The following USP6NL variants were observed in gnomAD, a reference collection of about 807,000 sequenced individuals.
USP6NL encodes USP6 N-terminal like, also known as USP6 N-terminal-like protein.
In USP6NL, 26 loss-of-function variants were observed where a neutral mutation model predicts 61.9. The ratio of observed to expected loss-of-function variants is 0.42; its 90% CI spans 0.31 to 0.58. The LOEUF is 0.58. USP6NL is among the 20% of genes least tolerant of loss of function. USP6NL has a pLI of 0.16. For synonymous variants in USP6NL, 432 were observed against 390.1 expected (o/e 1.11, Z -1.27); for missense variants, 1,114 against 1,034.3 (o/e 1.08, Z -1.06).
At chr10:11,527,161 A>C (rs576933903) in intron 3 of USP6NL, among the ~76,000 whole-genome samples, 8 of 152,286 alleles carry the variant, frequency 5.3e-5, no homozygotes, top group Non-Finnish European at 4.4e-5. Flanking sequence ...AGGTCAGAGA[A>C]GATCTCAGTA....
chr10:11,576,050 T>G (rs1419910866), intron 2 of USP6NL, among the ~76,000 whole-genome samples: 2 of 151,826 alleles, frequency 1.3e-5, no homozygotes, highest in African/African-American at 4.8e-5. Flanking sequence ...TTCAAAATAG[T>G]TACGGGTAAA....
chr10:11,593,185 C>T (rs909733994), intron 2 of USP6NL, among the ~76,000 whole-genome samples: 3 of 152,142 alleles, frequency 2.0e-5, no homozygotes, highest in Non-Finnish European at 4.4e-5. Flanking sequence ...CAAAACTTTC[C>T]TGAAGAAACT....
chr10:11,495,399 C>T lies in USP6NL; in HGVS notation c.385-2171G>A, dbSNP rs1423778194. Among the ~76,000 whole-genome samples the T allele has an allele frequency of 1.3e-5, 2 of 152,200 alleles. No individual in the cohort carries two copies. Among genetic ancestry groups the T allele is most frequent in the East Asian group, 1.9e-4 (1 of 5,204 alleles). On this transcript the variant is annotated intron_variant, in intron 7 of 14. Transcript: ENST00000609104. This position sits in a 1 kb window ranked among gnomAD's most constrained non-coding sequence, Gnocchi z 4.6. ...CTGGAACAGCTCGTGTCCTCGGTCT[C>T]TTGCCTCAGCACCTGGATGGCTTGC...
At chr10:11,573,312 T>A (rs893567181) in intron 2 of USP6NL, 2 of 229,308 alleles carry the variant, frequency 8.7e-6, no homozygotes, top group Non-Finnish European at 1.7e-5. Context: ...CCAAAATACA[T>A]AATGCAAGAG....
Position 11,496,191 on chromosome 10 carries a change from T to C in USP6NL, c.385-2963A>G, listed in dbSNP as rs551732048. Among the ~76,000 whole-genome samples the C allele has an allele frequency of 6.6e-6, 1 of 152,334 alleles. No individual in the cohort carries two copies. Among genetic ancestry groups the C allele is most frequent in the Non-Finnish European group, 1.5e-5 (1 of 68,022 alleles). ...GGCCCTCTGTTTCATCCTCGCCAAA[T>C]AACAAACCTCCAGTCTTGGGCTAGC... On this transcript the variant is annotated intron_variant, in intron 7 of 14. Coordinates refer to ENST00000609104, the MANE Select transcript of USP6NL (RefSeq NM_014688.5). The surrounding 1 kb of genome is among the most constrained non-coding windows in gnomAD (Gnocchi z 5.4).
chr10:11,562,516 C>G lies in USP6NL; in HGVS notation c.5-34949G>C. On this transcript the variant is annotated intron_variant, in intron 2 of 14. Coordinates refer to ENST00000609104, the MANE Select transcript of USP6NL (RefSeq NM_014688.5). This position sits in a 1 kb window ranked among gnomAD's most constrained non-coding sequence, Gnocchi z 4.8. The stretch of plus-strand genomic sequence containing the variant: ...GAGAAACGTGAAAAGAGCCGGGTCA[C>G]TCAAGACATTGCTTGGCCACTGTGA... The G allele has an allele frequency of 1.0e-6, 1 of 985,430 alleles. No homozygotes were observed. Among genetic ancestry groups the G allele is most frequent in the South Asian group, 4.7e-5 (1 of 21,286 alleles). 61.0% of individuals were successfully genotyped at this position (985,430 alleles called of 1,614,324 possible).
At chr10:11,547,279 T>C (rs931293543) in intron 2 of USP6NL, among the ~76,000 whole-genome samples, 10 of 152,210 alleles carry the variant, frequency 6.6e-5, no homozygotes, top group African/African-American at 2.2e-4. Context: ...TTCTCAAGCA[T>C]ATTGTCATAC....
intron 4 of USP6NL, among the ~76,000 whole-genome samples, chr10:11,519,051 A>G (rs1362861957): frequency 6.6e-6 from 1 of 152,220 alleles, no homozygotes; most frequent in Non-Finnish European, 1.5e-5. Flanking sequence ...TTTCTGGGCC[A>G]TACCGTCTTT....
intron 14 of USP6NL, among the ~76,000 whole-genome samples, chr10:11,480,981 G>A (rs192221331): frequency 1.3e-5 from 2 of 152,202 alleles, no homozygotes; most frequent in East Asian, 3.9e-4. Flanking sequence ...GTGATCTTTC[G>A]ACATTTTCAT....
At chr10:11,484,373 A>G (rs1439132022) in intron 13 of USP6NL, among the ~76,000 whole-genome samples, 1 of 151,650 alleles carries the variant, frequency 6.6e-6, no homozygotes, top group Non-Finnish European at 1.5e-5. Context: ...AATATATTGC[A>G]ACTGAAGACT....
chr10:11,494,243 CTAGAAGCTTG>C (rs1833819166), intron 7 of USP6NL, among the ~76,000 whole-genome samples: 2 of 152,286 alleles, frequency 1.3e-5, no homozygotes, highest in Admixed American at 6.5e-5. Context: ...CGTTTTCTCT[CTAGAAGCTTG>C]TAGGAGTTTC....
At chr10:11,523,167 C>G (rs1266016264) in intron 4 of USP6NL, among the ~76,000 whole-genome samples, 13 of 152,244 alleles carry the variant, frequency 8.5e-5, no homozygotes, top group Admixed American at 8.5e-4. Flanking sequence ...TACAAAAGAA[C>G]TGATTGCAAT....
chr10:11,555,471 A>G (rs11257169), intron 2 of USP6NL, among the ~76,000 whole-genome samples: 2,807 of 61,034 alleles, frequency 0.046, 183 homozygotes, highest in East Asian at 0.16. Flanking sequence ...GAGAGAGAGA[A>G]AGAGAGAGAG....
At position 11,465,899 on chromosome 10, in the gene USP6NL, A is replaced by G. The variant is rs1341768307; in HGVS notation, c.1079-2050T>C. Among the ~76,000 whole-genome samples, 1 of 152,248 alleles carries G rather than the reference A, an allele frequency of 6.6e-6. No individual in the cohort carries two copies. Among genetic ancestry groups the G allele is most frequent in the African/African-American group, 2.4e-5 (1 of 41,458 alleles). ...AAAGTCACCTACTTCATTATTTGTG[A>G]TAATTTGCTTGTATGGTCCTAGCAC... On this transcript the variant is annotated intron_variant, in intron 14 of 14. Coordinates refer to ENST00000609104, the MANE Select transcript of USP6NL (RefSeq NM_014688.5). This position sits in a 1 kb window ranked among gnomAD's most constrained non-coding sequence, Gnocchi z 4.5.
In USP6NL at chr10:11,501,102, C is replaced by T. The variant is rs1172275192; in HGVS notation, c.383G>A (p.Ser128Asn). The change falls in exon 7 of 15, where the codon AGT (serine) becomes AAT (asparagine). Residue 128 changes from serine to asparagine, a missense_variant and splice_region_variant. Coordinates refer to ENST00000609104, the MANE Select transcript of USP6NL (RefSeq NM_014688.5). ...AACAAGTTAGCTTTAGCTACTCACACTATACAGGTCCCTTGTTTCTTCTTT... is the reference window on the plus strand; with the variant it reads ...AACAAGTTAGCTTTAGCTACTCACATTATACAGGTCCCTTGTTTCTTCTTT... ...KMKEETRDLY[S>N]KLKHRARGCS... is the part of the protein sequence containing the mutation. The T allele has an allele frequency of 2.5e-6, 4 of 1,598,582 alleles. No individual in the cohort carries two copies. In the African/African-American group the frequency reaches 4.0e-5, roughly 16 times the overall value.
In USP6NL at chr10:11,495,941, G is replaced by A. The variant is rs1833904641; in HGVS notation, c.385-2713C>T. Among the ~76,000 whole-genome samples the A allele has an allele frequency of 6.6e-6, 1 of 152,020 alleles. No individual in the cohort carries two copies. The highest frequency in any genetic ancestry group is 2.1e-4 in the South Asian group (1 of 4,810). On this transcript the variant is annotated intron_variant, in intron 7 of 14. Transcript: ENST00000609104. The surrounding 1 kb of genome is among the most constrained non-coding windows in gnomAD (Gnocchi z 4.6). Reference sequence around the variant, plus strand: ...GCATGTGGCCAAGCAGTTGGACTGGGGTTCCCTGAAGTCAGTACCTTTGGG... The same window carrying A: ...GCATGTGGCCAAGCAGTTGGACTGGAGTTCCCTGAAGTCAGTACCTTTGGG...
chr10:11,578,680 T>G (rs554791074), intron 2 of USP6NL, among the ~76,000 whole-genome samples: 4 of 152,236 alleles, frequency 2.6e-5, no homozygotes, highest in Non-Finnish European at 5.9e-5. Flanking sequence ...TTCATCAGGT[T>G]AGGGAAATCC....
In USP6NL at chr10:11,461,121, T is replaced by C. The variant is rs1309095042; in HGVS notation, c.*1320A>G. On this transcript the variant is annotated 3_prime_UTR_variant, in exon 15 of 15. Coordinates refer to ENST00000609104, the MANE Select transcript of USP6NL (RefSeq NM_014688.5). The stretch of plus-strand genomic sequence containing the variant: ...TTCTACTATTCAAATATAAGCAATG[T>C]TGAAAACAAGCTCCCCAATTAAACA... 1 of 152,562 alleles carries C rather than the reference T, an allele frequency of 6.6e-6. No homozygotes were observed. Among genetic ancestry groups the C allele is most frequent in the African/African-American group, 2.4e-5 (1 of 41,456 alleles). The allele number at this position is 152,562 out of a possible 1,614,324, so 9.5% of individuals were successfully genotyped here.
intron 5 of USP6NL, among the ~76,000 whole-genome samples, chr10:11,515,114 C>A (rs1178778966): frequency 3.3e-5 from 5 of 152,194 alleles, no homozygotes; most frequent in African/African-American, 1.2e-4. Flanking sequence ...TTTGTTACCT[C>A]TCAACCTCCA....
Sources: allele counts gnomAD v4.1 joint callset (sites outside exome capture counted in the v4.1 genomes callset), GRCh38; gene constraint gnomAD v4.1.1; non-coding constraint Gnocchi (gnomAD v3.1); transcripts MANE v1.5; gene names NCBI Gene and HGNC (gene_info 2026-07-23, HGNC 2026-07-21).